Variants in NBAS observed in about 807,000 individuals in gnomAD.
NBAS encodes NAG/BC035112 fusion.
Under a neutral mutation model 302.5 loss-of-function variants are expected in NBAS, and 219 were observed. The observed-to-expected ratio is 0.72, with a 90% CI of 0.65 to 0.81. The LOEUF (loss-of-function observed/expected upper bound fraction) is 0.81, where lower values mean the gene tolerates loss of function less well. Ranked by LOEUF, NBAS falls within the 30% of genes least tolerant of loss-of-function variation. NBAS has a pLI of 0.00. For synonymous variants in NBAS, 1,118 were observed against 1,021.6 expected (o/e 1.09, Z -1.80); for missense variants, 2,932 against 2,841.6 (o/e 1.03, Z -0.72).
chr2:14,915,939 T>G, the NBAS span, among the ~76,000 whole-genome samples: 2 of 152,114 alleles, frequency 1.3e-5, no homozygotes, highest in Non-Finnish European at 2.9e-5. Context: ...TGTGACTTGG[T>G]TCTCCTTGCC....
the NBAS span, among the ~76,000 whole-genome samples, chr2:15,080,378 C>T: frequency 6.6e-6 from 1 of 152,204 alleles, no homozygotes; most frequent in Admixed American, 6.5e-5. Flanking sequence ...AATACTTTCA[C>T]GTGCCAGTTA....
chr2:15,299,470 C>T (rs183317567), intron 40 of NBAS, among the ~76,000 whole-genome samples: 34 of 152,172 alleles, frequency 2.2e-4, no homozygotes, highest in Admixed American at 1.0e-3. Context: ...AATATTATTT[C>T]GAAAGTTTTA....
At chr2:15,044,508 G>C in the NBAS span, among the ~76,000 whole-genome samples, 1 of 152,202 alleles carries the variant, frequency 6.6e-6, no homozygotes, top group African/African-American at 2.4e-5. Flanking sequence ...GCTCAGCAGA[G>C]TATAGAATTA....
At chr2:15,168,778 T>C (rs1018807403) in intron 51 of NBAS, among the ~76,000 whole-genome samples, 7 of 152,216 alleles carry the variant, frequency 4.6e-5, no homozygotes, top group Non-Finnish European at 8.8e-5. Context: ...TACAGGTGCA[T>C]GGCACCACGC....
At chr2:15,389,535 A>C (rs1675484514) in intron 28 of NBAS, among the ~76,000 whole-genome samples, 1 of 152,230 alleles carries the variant, frequency 6.6e-6, no homozygotes, top group Non-Finnish European at 1.5e-5. Context: ...AAGTCATCTG[A>C]TTCCCGAGTC....
downstream of NBAS, chr2:15,166,859 T>C (rs1370314877): frequency 8.3e-6 from 5 of 604,492 alleles, no homozygotes; most frequent in Non-Finnish European, 1.0e-5. Flanking sequence ...TAAGAAAATA[T>C]GTTCACCACT....
At chr2:15,000,548 T>C in the NBAS span, among the ~76,000 whole-genome samples, 2 of 152,160 alleles carry the variant, frequency 1.3e-5, no homozygotes, top group Admixed American at 1.3e-4. Flanking sequence ...TGACCTAAAC[T>C]GAAACTGATT....
rs1252012292 is a variant in NBAS at position 15,237,607 on chromosome 2, T to TC, written c.5943+860_5943+861insG. On this transcript the variant is annotated intron_variant, in intron 45 of 51. Coordinates refer to ENST00000281513, the MANE Select transcript of NBAS (RefSeq NM_015909.4). ...ATTTATTTATTTATTTATTTATTTA[T>TC]TTATCTGAGACAGAGTCTCGCTCTG... is the stretch of plus-strand genomic sequence containing the variant. Among the ~76,000 whole-genome samples the TC allele has an allele frequency of 6.0e-3, 860 of 144,144 alleles. 8 individuals are homozygous for TC. The highest frequency in any genetic ancestry group is 0.02 in the African/African-American group (776 of 38,790). The allele number at this position is 144,144 out of a possible 152,430, so 94.6% of individuals were successfully genotyped here. A position where few individuals can be genotyped will look rare whatever the true frequency, so the allele number is the denominator to read the frequency against.
At chr2:15,365,689 G>C (rs1334284287) in intron 32 of NBAS, among the ~76,000 whole-genome samples, 1 of 152,038 alleles carries the variant, frequency 6.6e-6, no homozygotes, top group African/African-American at 2.4e-5. Context: ...GACTAGAAAA[G>C]GATAAATGAC....
At chr2:15,365,744 A>G (rs990806942) in intron 32 of NBAS, among the ~76,000 whole-genome samples, 2 of 152,220 alleles carry the variant, frequency 1.3e-5, no homozygotes, top group Non-Finnish European at 2.9e-5. Flanking sequence ...CCTACATAAT[A>G]CAATTTTAAA....
intron 47 of NBAS, 109 bp from the exon 48 acceptor site, chr2:15,219,077 G>T: frequency 7.3e-7 from 1 of 1,370,078 alleles, no homozygotes. Flanking sequence ...GGATGACTTC[G>T]TTTTTTTCCT....
the NBAS span, among the ~76,000 whole-genome samples, chr2:14,796,440 T>A: frequency 6.6e-6 from 1 of 152,258 alleles, no homozygotes; most frequent in African/African-American, 2.4e-5. Context: ...CATTTACATC[T>A]TAACAATATT....
chr2:15,103,955 TG>T, the NBAS span, among the ~76,000 whole-genome samples: 1 of 152,190 alleles, frequency 6.6e-6, no homozygotes, highest in Non-Finnish European at 1.5e-5. Flanking sequence ...TCTCTTCCAC[TG>T]GATACTTGTG....
intron 25 of NBAS, among the ~76,000 whole-genome samples, chr2:15,403,177 T>C (rs1311264484): frequency 6.6e-6 from 1 of 152,136 alleles, no homozygotes; most frequent in Non-Finnish European, 1.5e-5. Context: ...AATGTTTTAG[T>C]AGAAACTCAT....
the NBAS span, among the ~76,000 whole-genome samples, chr2:15,138,292 T>C: frequency 6.6e-6 from 1 of 152,106 alleles, no homozygotes; most frequent in African/African-American, 2.4e-5. Flanking sequence ...TTAGTGAGGC[T>C]GGAGCAGGGA....
At chr2:14,958,800 C>T in the NBAS span, among the ~76,000 whole-genome samples, 1 of 152,084 alleles carries the variant, frequency 6.6e-6, no homozygotes, top group South Asian at 2.1e-4. Flanking sequence ...AAAGGTGGAA[C>T]CTCACATCAA....
intron 9 of NBAS, among the ~76,000 whole-genome samples, chr2:15,518,974 C>T (rs563757179): frequency 5.9e-5 from 9 of 152,206 alleles, no homozygotes; most frequent in South Asian, 2.1e-4. Context: ...TCCCACAACA[C>T]GTGGAAATTA....
the NBAS span, among the ~76,000 whole-genome samples, chr2:14,928,786 G>C: frequency 6.6e-6 from 1 of 152,074 alleles, no homozygotes; most frequent in African/African-American, 2.4e-5. Context: ...TGTCAAACTG[G>C]ACAGTGAATC....
Position 15,292,705 on chromosome 2 carries a change from G to C in NBAS, c.4859C>G (p.Ala1620Gly), listed in dbSNP as rs1670364563. 1.9e-6 allele frequency: 3 copies of C among 1,614,150 alleles called. No homozygotes were observed. Among genetic ancestry groups the C allele is most frequent in the Middle Eastern group, 3.3e-4 (2 of 6,062 alleles). The change falls in exon 41 of 52, where the codon GCC (alanine) becomes GGC (glycine). Residue 1620 changes from alanine to glycine, a missense_variant. Ala to Gly is a moderately conservative substitution (Grantham distance 60). Coordinates refer to ENST00000281513, the MANE Select transcript of NBAS (RefSeq NM_015909.4). Reference protein sequence around the residue: ...TRHVTRHEHEAWPEDLISLTK... With the variant: ...TRHVTRHEHEGWPEDLISLTK... Reference sequence around the variant, plus strand: ...CAGTGAAATAAGGTCTTCAGGCCAGGCTTCGTGCTCATGTCGAGTCACATG... The same window carrying C: ...CAGTGAAATAAGGTCTTCAGGCCAGCCTTCGTGCTCATGTCGAGTCACATG...
Sources: gnomAD v4.1 joint callset for allele counts (sites outside exome capture counted in the v4.1 genomes callset) on GRCh38, gnomAD v4.1.1 for gene constraint, MANE v1.5 for transcripts, NCBI Gene and HGNC (gene_info 2026-07-23, HGNC 2026-07-21) for gene names.